Variants in DDX52 observed in about 807,000 individuals in gnomAD.
DDX52 encodes the protein probable ATP-dependent RNA helicase DDX52.
DDX52 carries 59 observed loss-of-function variants against 76.1 expected under a neutral mutation model. That is an observed-to-expected ratio of 0.78 (90% CI 0.63 to 0.96). The LOEUF (loss-of-function observed/expected upper bound fraction) is 0.96. Among genes scored for constraint, DDX52 ranks in the 40% least tolerant of loss-of-function variants. The pLI is 0.00. For synonymous variants in DDX52, 231 were observed against 244.1 expected, an observed-to-expected ratio of 0.95 and a Z score of 0.50; for missense variants, 707 against 703.9, an observed-to-expected ratio of 1.00 and a Z score of -0.05.
chr17:37,628,710 T>C (rs1197612046), intron 5 of DDX52, 38 bp from the exon 6 acceptor site: 2 of 1,432,160 alleles, frequency 1.4e-6, no homozygotes, highest in South Asian at 1.2e-5. Flanking sequence ...GCTGCTAACA[T>C]ACTTGGACAA....
chr17:37,640,059 T>C (rs1251190447), intron 2 of DDX52, among the ~76,000 whole-genome samples: 1 of 152,222 alleles, frequency 6.6e-6, no homozygotes, highest in Non-Finnish European at 1.5e-5. Context: ...TATGCTGTGT[T>C]ACAATGAACA....
chr17:37,634,904 C>A (rs2030859083), intron 2 of DDX52, among the ~76,000 whole-genome samples: 1 of 151,072 alleles, frequency 6.6e-6, no homozygotes, highest in South Asian at 2.1e-4. Flanking sequence ...ACCTCTGTCT[C>A]CCAGGTGATT....
chr17:37,612,494 T>C lies in DDX52; in HGVS notation c.*1802A>G, dbSNP rs908799572. 1.3e-5 allele frequency: 2 copies of C among 152,192 alleles called. No individual in the cohort carries two copies. Among genetic ancestry groups the C allele is most frequent in the Non-Finnish European group, 1.5e-5 (1 of 68,034 alleles). The allele number at this position is 152,192 out of a possible 1,614,324, so 9.4% of individuals were successfully genotyped here. ...TAACATGCTATACGGGTTTGTAGCCTAGGAGCAACAGACTATACCATATAG... is the reference window on the plus strand; with the variant it reads ...TAACATGCTATACGGGTTTGTAGCCCAGGAGCAACAGACTATACCATATAG... On this transcript the variant is annotated 3_prime_UTR_variant, in exon 15 of 15. Transcript: ENST00000617633.
intron 9 of DDX52, among the ~76,000 whole-genome samples, chr17:37,622,584 A>G (rs1319556808): frequency 1.3e-5 from 2 of 152,118 alleles, no homozygotes; most frequent in Non-Finnish European, 2.9e-5. Flanking sequence ...GTGAGCCACC[A>G]CGCCTGGCCG....
rs1568604755 is a variant in DDX52, at chr17:37,628,609, C to T, written c.811G>A (p.Ala271Thr). 1 of 1,612,324 alleles carries T rather than the reference C, an allele frequency of 6.2e-7. No individual in the cohort carries two copies. Among genetic ancestry groups the T allele is most frequent in the Non-Finnish European group, 8.5e-7 (1 of 1,179,548 alleles). Reference sequence around the variant, plus strand: ...CCAAATTTCTTGGCTGCCACTGCTGCTTTGTGGATCATGTGTATTCTGAAT... The same window carrying T: ...CCAAATTTCTTGGCTGCCACTGCTGTTTTGTGGATCATGTGTATTCTGAAT... ...TGFRIHMIHK[A>T]AVAAKKFGPK... is the part of the protein sequence containing the mutation. The change falls in exon 6 of 15, where the codon GCA becomes ACA. Residue 271 changes from alanine to threonine, a missense_variant. Transcript: ENST00000617633.
chr17:37,642,326 T>A lies in DDX52; in HGVS notation c.88-18A>T. The A allele has an allele frequency of 6.2e-7, 1 of 1,604,712 alleles. No individual in the cohort carries two copies. The highest frequency in any genetic ancestry group is 1.3e-5 in the African/African-American group (1 of 74,752). On this transcript the variant is annotated intron_variant, in intron 1 of 14. Coordinates refer to ENST00000617633, the MANE Select transcript of DDX52 (RefSeq NM_007010.5). ...TTTCCTATCTAAAACCCAAAAAATGTAAAATGAAACCTACTGACAGAATAC... is the reference window on the plus strand; with the variant it reads ...TTTCCTATCTAAAACCCAAAAAATGAAAAATGAAACCTACTGACAGAATAC...
chr17:37,630,867 C>T (rs887881462), intron 4 of DDX52: 2 of 152,218 alleles, frequency 1.3e-5, no homozygotes, highest in Non-Finnish European at 2.9e-5. Context: ...GTCTTGAACT[C>T]CTGACCTCGT....
At chr17:37,627,801 T>G (rs898694823) in intron 6 of DDX52, among the ~76,000 whole-genome samples, 1 of 151,954 alleles carries the variant, frequency 6.6e-6, no homozygotes, top group Non-Finnish European at 1.5e-5. Context: ...GGAGTCTCAC[T>G]CTGTTGCTCA....
rs2147353069 is a variant in DDX52, at chr17:37,628,545, T to C, written c.859+16A>G. On this transcript the variant is annotated intron_variant, in intron 6 of 14. Transcript: ENST00000617633. Reference sequence around the variant, plus strand: ...CCTTACATGCTCTATCTACATCCCATGTATGAATTCCTTACCAAACTTTTT... The same window carrying C: ...CCTTACATGCTCTATCTACATCCCACGTATGAATTCCTTACCAAACTTTTT... 1 of 1,584,768 alleles carries C rather than the reference T, an allele frequency of 6.3e-7. No individual in the cohort carries two copies. Among genetic ancestry groups the C allele is most frequent in the Non-Finnish European group, 8.6e-7 (1 of 1,156,434 alleles).
At chr17:37,640,427 T>TA (rs1204742090) in intron 2 of DDX52, among the ~76,000 whole-genome samples, 1 of 151,886 alleles carries the variant, frequency 6.6e-6, no homozygotes, top group African/African-American at 2.4e-5. Context: ...ATAATCAAAG[T>TA]ATATAAACAA....
chr17:37,616,662 C>CAAAAAAAAAAAAA (rs1188716926), intron 14 of DDX52, among the ~76,000 whole-genome samples: 1 of 122,444 alleles, frequency 8.2e-6, no homozygotes, highest in African/African-American at 3.1e-5. Context: ...GACTCCATCT[C>CAAAAAAAAAAAAA]AAAAAAAAAA....
chr17:37,642,101 A>C lies in DDX52; in HGVS notation c.286+9T>G. ...AAGAGAAAAAACATGACAGAAATCA[A>C]ACACTAACCTGAAGTCATCGTCTTC... On this transcript the variant is annotated intron_variant, in intron 2 of 14. Coordinates refer to ENST00000617633, the MANE Select transcript of DDX52 (RefSeq NM_007010.5). 3 of 1,610,478 alleles carry C rather than the reference A, an allele frequency of 1.9e-6. No homozygotes were observed. The highest frequency in any genetic ancestry group is 2.5e-6 in the Non-Finnish European group (3 of 1,179,364).
In DDX52 at chr17:37,633,407, G is replaced by C. The variant is rs2030777775; in HGVS notation, c.298C>G (p.Gln100Glu). ...CACTGTATAGTAGCACCTTCTTCTT[G>C]GGAAGCAATTTCTAAAATATATTTT... ...RKTMTSEIAS[Q>E]EEGATIQWMS... Residue 100 changes from glutamine (Q) to glutamate (E), a missense_variant, in exon 3 of 15, where the codon CAA becomes GAA. Physicochemically the swap from Gln to Glu is conservative, Grantham distance 29. Coordinates refer to ENST00000617633, the MANE Select transcript of DDX52 (RefSeq NM_007010.5). The C allele has an allele frequency of 6.4e-7, 1 of 1,557,478 alleles. No homozygotes were observed. Among genetic ancestry groups the C allele is most frequent in the Non-Finnish European group, 8.6e-7 (1 of 1,158,256 alleles).
rs1568606936 is a variant in DDX52, at chr17:37,632,109, TCA to T, written c.603+2_603+3del. 1 of 1,612,816 alleles carries T rather than the reference TCA, an allele frequency of 6.2e-7. No individual in the cohort carries two copies. The highest frequency in any genetic ancestry group is 2.2e-5 in the East Asian group (1 of 44,866). The stretch of plus-strand genomic sequence containing the variant: ...TTACAGGCATTCTAGATCTTCATAC[TCA>T]CATGCAGCATAACTGGGATGGCTTG... On this transcript the variant is annotated splice_donor_variant and splice_donor_region_variant and intron_variant, in intron 4 of 14. Transcript: ENST00000617633. LOFTEE classifies it high-confidence loss of function.
chr17:37,624,285 A>C (rs1285876611), intron 9 of DDX52, 59 bp downstream of exon 9: 1 of 1,315,978 alleles, frequency 7.6e-7, no homozygotes, highest in Admixed American at 1.8e-5. Flanking sequence ...ATAGCCTCCC[A>C]CTAGTAATAT....
At position 37,642,170 on chromosome 17, in the gene DDX52, C is replaced by G. The variant is rs1477353894; in HGVS notation, c.226G>C (p.Glu76Gln). The change falls in exon 2 of 15, where the codon GAG becomes CAG. Residue 76 changes from glutamate to glutamine, a missense_variant. Glu to Gln is a conservative substitution (Grantham distance 29, BLOSUM62 2). Transcript: ENST00000617633. ...TCCCTCTTCCTTTCAGTTAGGCTCT[C>G]TTCTTTTTTCTCTCCATTTTGGGGC... ...QKPQNGEKKE[E>Q]SLTERKREQS... The G allele has an allele frequency of 1.2e-6, 2 of 1,613,980 alleles. No individual in the cohort carries two copies. The highest frequency in any genetic ancestry group is 2.7e-5 in the African/African-American group (2 of 74,902).
rs908690495 is a variant in DDX52, at chr17:37,619,855, A to G, written c.1578-16T>C. The G allele has an allele frequency of 4.3e-6, 7 of 1,611,332 alleles. No individual in the cohort carries two copies. Among genetic ancestry groups the G allele is most frequent in the Non-Finnish European group, 5.9e-6 (7 of 1,179,092 alleles). On this transcript the variant is annotated splice_polypyrimidine_tract_variant and intron_variant, in intron 12 of 14. Transcript: ENST00000617633. ...ATTAGCAACGCTGAAAAAGAAACCC[A>G]TAAACATAAACTTGTATCTTTGCTA... is the stretch of plus-strand genomic sequence containing the variant.
At chr17:37,618,515 C>G (rs942472811) in intron 13 of DDX52, 131 bp from the exon 14 acceptor site, 1 of 720,538 alleles carries the variant, frequency 1.4e-6, no homozygotes, top group Non-Finnish European at 2.1e-6. Flanking sequence ...GAGTTTTGCT[C>G]TTGTTGCCCA....
intron 2 of DDX52, among the ~76,000 whole-genome samples, chr17:37,636,192 T>C (rs1272311547): frequency 6.6e-6 from 1 of 152,212 alleles, no homozygotes; most frequent in Non-Finnish European, 1.5e-5. Context: ...CCACAAAGAT[T>C]TTTTTCCTGT....
Sources: allele counts gnomAD v4.1 joint callset (sites outside exome capture counted in the v4.1 genomes callset), GRCh38; gene constraint gnomAD v4.1.1; transcripts MANE v1.5; gene names NCBI Gene and HGNC (gene_info 2026-07-23, HGNC 2026-07-21).